Variants in MIA3 observed in about 807,000 individuals in gnomAD.
The protein encoded by MIA3 is MIA SH3 domain ER export factor 3, also known as transport and Golgi organization protein 1 homolog.
Under a neutral mutation model 192.4 loss-of-function variants are expected in MIA3, and 90 were observed. The observed-to-expected ratio is 0.47, with a 90% CI of 0.39 to 0.56. The LOEUF is 0.56. Ranked by LOEUF, MIA3 falls within the 20% of genes least tolerant of loss-of-function variation. The pLI is 0.00. For missense variants in MIA3, 2,123 were observed against 2,269.4 expected (o/e 0.94, Z 1.31); for synonymous variants, 740 against 792.8 (o/e 0.93, Z 1.12).
chr1:222,645,767 C>A, intron 7 of MIA3, 82 bp downstream of exon 7: 1 of 1,216,324 alleles, frequency 8.2e-7, no homozygotes, highest in South Asian at 1.4e-5. Flanking sequence ...TTTTCAGTTT[C>A]TAATATGAAC....
rs757976139 is a variant in MIA3, at chr1:222,654,371, C to T, written c.4378-18C>T. 2.5e-6 allele frequency: 4 copies of T among 1,612,368 alleles called. No homozygotes were observed. Among genetic ancestry groups the T allele is most frequent in the Non-Finnish European group, 3.4e-6 (4 of 1,178,648 alleles). On this transcript the variant is annotated intron_variant, in intron 16 of 27. Coordinates refer to ENST00000344922, the MANE Select transcript of MIA3 (RefSeq NM_198551.4). ...ATGCCTCACTTTTATGAATACTTGT[C>T]TCTTCTGCAATTTTTAGACACAGAC...
rs896005477 is a variant in MIA3 at position 222,628,693 on chromosome 1, A to G, written c.1473A>G (p.Glu491=). Residue 491 remains glutamate (E), a synonymous_variant, in exon 4 of 28, where the codon GAA becomes GAG. Transcript: ENST00000344922. ...CAGAATTAGAGGATGAAAATCAAGA[A>G]GGCATGACTGTGCACAGTTCTGTTC... ...DKTELEDENQ[E]GMTVHSSVHS... 6.2e-7 allele frequency: 1 copy of G among 1,614,132 alleles called. No individual in the cohort carries two copies. The highest frequency in any genetic ancestry group is 1.3e-5 in the African/African-American group (1 of 75,060).
At chr1:222,643,909 C>G (rs1310978014) in intron 6 of MIA3, among the ~76,000 whole-genome samples, 1 of 152,128 alleles carries the variant, frequency 6.6e-6, no homozygotes, top group African/African-American at 2.4e-5. Context: ...CAATGGAGGT[C>G]TGGAGGCGGA....
intron 2 of MIA3, among the ~76,000 whole-genome samples, chr1:222,623,154 C>T (rs1199971741): frequency 6.6e-6 from 1 of 152,120 alleles, no homozygotes; most frequent in Non-Finnish European, 1.5e-5. Flanking sequence ...TCTCTTAAGG[C>T]GATACTCTAC....
chr1:222,662,977 T>TA (rs1478074815), intron 26 of MIA3: 1 of 153,790 alleles, frequency 6.5e-6, no homozygotes, highest in East Asian at 1.9e-4. Flanking sequence ...GCAGTGTCCT[T>TA]AAACAGTGTC....
intron 3 of MIA3, among the ~76,000 whole-genome samples, chr1:222,625,873 A>T (rs1662093259): frequency 6.6e-6 from 1 of 152,128 alleles, no homozygotes; most frequent in Admixed American, 6.5e-5. Context: ...AGTAGCTGGG[A>T]TTACAGGCGC....
At position 222,667,466 on chromosome 1, in the gene MIA3, A is replaced by G. The variant is rs1251179308; in HGVS notation, c.*1847A>G. The G allele has an allele frequency of 6.6e-6, 1 of 152,238 alleles. No homozygotes were observed. The highest frequency in any genetic ancestry group is 1.5e-5 in the Non-Finnish European group (1 of 68,040). 9.4% of individuals were successfully genotyped at this position (152,238 alleles called of 1,614,324 possible). ...GATTATGCCATCTAGGAAGGTAAGT[A>G]GGAAAGGTAAATTAAATCTATTTTT... On this transcript the variant is annotated 3_prime_UTR_variant, in exon 28 of 28. Coordinates refer to ENST00000344922, the MANE Select transcript of MIA3 (RefSeq NM_198551.4).
intron 3 of MIA3, among the ~76,000 whole-genome samples, chr1:222,625,489 G>A (rs1193896187): frequency 3.3e-5 from 5 of 152,162 alleles, no homozygotes; most frequent in Admixed American, 6.5e-5. Flanking sequence ...TAGAAATCAG[G>A]TTAAATTAAT....
Position 222,627,560 on chromosome 1 carries a change from T to C in MIA3, c.355-15T>C. 1 of 1,552,658 alleles carries C rather than the reference T, an allele frequency of 6.4e-7. No homozygotes were observed. The highest frequency in any genetic ancestry group is 2.2e-5 in the East Asian group (1 of 44,538). On this transcript the variant is annotated splice_polypyrimidine_tract_variant and intron_variant, in intron 3 of 27. Coordinates refer to ENST00000344922, the MANE Select transcript of MIA3 (RefSeq NM_198551.4). The stretch of plus-strand genomic sequence containing the variant: ...CTTGGCTATTGACAGACTAATGTTT[T>C]TCTTTTTCTTACAGGAGACGGATTT...
chr1:222,638,558 A>G (rs1265917407), intron 6 of MIA3, among the ~76,000 whole-genome samples: 1 of 151,328 alleles, frequency 6.6e-6, no homozygotes, highest in African/African-American at 2.4e-5. Context: ...ACAGCTGGGC[A>G]TGGTGGCACG....
At position 222,665,671 on chromosome 1, in the gene MIA3, A is replaced by C; in HGVS notation, c.*52A>C. ...AAAGAAAGTGTACTGTGCATTATCC[A>C]TTACAGTAAAGGATTTCATTGGCTT... On this transcript the variant is annotated 3_prime_UTR_variant, in exon 28 of 28. Transcript: ENST00000344922. 7.3e-7 allele frequency: 1 copy of C among 1,362,154 alleles called. No homozygotes were observed. Among genetic ancestry groups the C allele is most frequent in the Non-Finnish European group, 9.8e-7 (1 of 1,022,698 alleles). The allele number at this position is 1,362,154 out of a possible 1,614,324, so 84.4% of individuals were successfully genotyped here. A position where few individuals can be genotyped will look rare whatever the true frequency, so the allele number is the denominator to read the frequency against.
At position 222,654,487 on chromosome 1, in the gene MIA3, G is replaced by T. The variant is rs1379603775; in HGVS notation, c.4468+8G>T. On this transcript the variant is annotated splice_region_variant and intron_variant, in intron 17 of 27. Coordinates refer to ENST00000344922, the MANE Select transcript of MIA3 (RefSeq NM_198551.4). ...CTAAATGTAACCTGGAAGGTAGGTT[G>T]CTTCTTGAGAAGAAATTGCTATATA... The T allele has an allele frequency of 6.2e-7, 1 of 1,606,640 alleles. No homozygotes were observed. The highest frequency in any genetic ancestry group is 1.3e-5 in the African/African-American group (1 of 74,628).
In MIA3 at chr1:222,628,571, A is replaced by T; in HGVS notation, c.1351A>T (p.Lys451Ter). The change falls in exon 4 of 28, where the codon AAA becomes TAA. Residue 451 changes from lysine to a stop codon, truncating the protein, a stop_gained. Transcript: ENST00000344922. LOFTEE classifies it high-confidence loss of function. ...DDGLFIVDIP[K>*]TNNDKEVNAE... ...TGGTCTTTTTATTGTAGACATTCCT[A>T]AAACAAATAATGACAAAGAAGTAAA... The T allele has an allele frequency of 1.2e-6, 2 of 1,614,180 alleles. No individual in the cohort carries two copies. Among genetic ancestry groups the T allele is most frequent in the Non-Finnish European group, 1.7e-6 (2 of 1,180,020 alleles).
At chr1:222,623,885 A>G (rs568475366) in intron 2 of MIA3, among the ~76,000 whole-genome samples, 1 of 152,366 alleles carries the variant, frequency 6.6e-6, no homozygotes, top group Non-Finnish European at 1.5e-5. Context: ...ATGAAATGAA[A>G]GCTTGGTGGG....
At chr1:222,642,178 G>A (rs1173101877) in intron 6 of MIA3, among the ~76,000 whole-genome samples, 1 of 152,120 alleles carries the variant, frequency 6.6e-6, no homozygotes, top group Non-Finnish European at 1.5e-5. Flanking sequence ...ACTTTGGGAG[G>A]TTCACTATGT....
At chr1:222,644,604 CG>C in intron 6 of MIA3, 1 of 1,550,358 alleles carries the variant, frequency 6.5e-7, no homozygotes, top group Non-Finnish European at 8.7e-7. Context: ...TCCCGATTCC[CG>C]GGGAGGGACC....
At chr1:222,653,364 G>T in intron 15 of MIA3, 25 bp downstream of exon 15, 1 of 1,517,354 alleles carries the variant, frequency 6.6e-7, no homozygotes, top group Non-Finnish European at 9.1e-7. Flanking sequence ...AAGGAGGATG[G>T]ACCCCTTTTG....
At chr1:222,664,967 G>A (rs1052892131) in intron 27 of MIA3, 1 of 458,346 alleles carries the variant, frequency 2.2e-6, no homozygotes, top group Non-Finnish European at 4.4e-6. Context: ...CGAGGCTGAG[G>A]CAGGTGGATC....
At chr1:222,618,362 C>G (rs1004733570) in intron 1 of MIA3, 119 bp downstream of exon 1, 17 of 1,069,996 alleles carry the variant, frequency 1.6e-5, no homozygotes, top group Middle Eastern at 6.9e-4. Context: ...TCCGCAGCCC[C>G]TGGCCGGCCC....
Sources: gnomAD v4.1 joint callset for allele counts (sites outside exome capture counted in the v4.1 genomes callset) on GRCh38, gnomAD v4.1.1 for gene constraint, MANE v1.5 for transcripts, NCBI Gene and HGNC (gene_info 2026-07-23, HGNC 2026-07-21) for gene names.